The following MYH7B variants were observed in gnomAD, a reference collection of about 807,000 sequenced individuals.
The protein encoded by MYH7B is myosin heavy chain 7B.
In MYH7B, 205 loss-of-function variants were observed where a neutral mutation model predicts 234.5. The observed-to-expected ratio is 0.87, with a 90% CI of 0.78 to 0.98. MYH7B has a LOEUF of 0.98. Ranked by LOEUF, MYH7B falls within the 50% of genes least tolerant of loss-of-function variation. The probability of loss-of-function intolerance (pLI) is 0.00; values close to 1 mark genes in which losing one functional copy is unlikely to be tolerated. For missense variants in MYH7B, 2,652 were observed against 2,633.4 expected, an observed-to-expected ratio of 1.01 and a Z score of -0.15; for synonymous variants, 1,193 against 1,105.0, an observed-to-expected ratio of 1.08 and a Z score of -1.58.
At chr20:35,002,363 G>GAAAA (rs997452122) in exon 45 of MYH7B, 22 of 643,762 alleles carry the variant, frequency 3.4e-5, no homozygotes, top group Non-Finnish European at 5.1e-5. Flanking sequence ...GGTTCAGGAG[G>GAAAA]AAAAACACAG....
exon 11 of MYH7B, chr20:34,984,701 GCAA>G: frequency 6.2e-7 from 1 of 1,604,506 alleles, no homozygotes; most frequent in East Asian, 2.2e-5. Flanking sequence ...GCAATTTCTG[GCAA>G]CAAAGACGGG....
Position 34,997,356 on chromosome 20 carries a change from G to T in MYH7B, c.3463G>T (p.Glu1155Ter), listed in dbSNP as rs773666833. ...GGCGCGGGAGCTGGAGGAGCTGAGC[G>T]AGCGGCTGGAGGAGGCAGGCGGCGC... The change falls in exon 32 of 45, where the codon GAG (glutamate) becomes TAG (stop). Residue 1155 changes from glutamate (E) to a stop codon, truncating the protein, a stop_gained. Coordinates refer to ENST00000262873, the Ensembl canonical transcript of MYH7B. LOFTEE classifies it high-confidence loss of function. The T allele has an allele frequency of 6.5e-7, 1 of 1,535,368 alleles. No individual in the cohort carries two copies.
At chr20:34,976,335 C>T (rs182133963) in intron 3 of MYH7B, among the ~76,000 whole-genome samples, 3 of 152,302 alleles carry the variant, frequency 2.0e-5, no homozygotes, top group Non-Finnish European at 2.9e-5. Flanking sequence ...GCGCATCGGT[C>T]GGAGGACTTC....
At chr20:34,993,650 C>T (rs917013232) in intron 26 of MYH7B, among the ~76,000 whole-genome samples, 180 bp downstream of exon 26, 44 of 152,348 alleles carry the variant, frequency 2.9e-4, no homozygotes, top group Admixed American at 2.2e-3. Flanking sequence ...AAACGGGGTA[C>T]GGCACTTGCC....
intron 4 of MYH7B, 104 bp from the exon 5 acceptor site, chr20:34,977,830 C>A: frequency 6.5e-7 from 1 of 1,527,844 alleles, no homozygotes. Flanking sequence ...GGGCACTCAC[C>A]CAAGGAGGCT....
At chr20:34,977,118 C>T (rs2081867078) in intron 3 of MYH7B, among the ~76,000 whole-genome samples, 1 of 148,652 alleles carries the variant, frequency 6.7e-6, no homozygotes, top group Non-Finnish European at 1.5e-5. Context: ...CTTCTCTCTC[C>T]TTCTCTTTTT....
At chr20:34,999,659 G>C in exon 37 of MYH7B, 4 of 1,613,758 alleles carry the variant, frequency 2.5e-6, no homozygotes, top group Non-Finnish European at 3.4e-6. Context: ...TGGAAGGCGA[G>C]AAGAGTGAGA....
At chr20:34,970,957 C>T (rs905458701) in intron 2 of MYH7B, among the ~76,000 whole-genome samples, 7 of 152,104 alleles carry the variant, frequency 4.6e-5, no homozygotes, top group Non-Finnish European at 8.8e-5. Context: ...CTCAAGGATG[C>T]GGCATGTCAG....
exon 44 of MYH7B, chr20:35,002,076 G>C: frequency 6.2e-7 from 1 of 1,613,858 alleles, no homozygotes; most frequent in African/African-American, 1.3e-5. Flanking sequence ...GGGACGCCCT[G>C]GGCCCCAAGG....
At chr20:34,988,004 G>C in intron 18 of MYH7B, 88 bp from the exon 19 acceptor site, 1 of 1,564,076 alleles carries the variant, frequency 6.4e-7, no homozygotes, top group Non-Finnish European at 8.7e-7. Flanking sequence ...CTTCTGCCTG[G>C]AAGTTGGGGG....
intron 2 of MYH7B, among the ~76,000 whole-genome samples, chr20:34,960,540 A>C (rs1008107564): frequency 2.6e-5 from 4 of 152,240 alleles, no homozygotes; most frequent in African/African-American, 9.6e-5. Context: ...CAGCCACTGG[A>C]CTGTGCCTTT....
chr20:34,967,164 G>A (rs1183656147), intron 2 of MYH7B, among the ~76,000 whole-genome samples: 2 of 151,984 alleles, frequency 1.3e-5, no homozygotes, highest in African/African-American at 4.8e-5. Context: ...AGGAGGCGGA[G>A]GTTGTAGTGA....
chr20:35,001,686 C>G, intron 43 of MYH7B, 160 bp downstream of exon 43: 1 of 799,208 alleles, frequency 1.3e-6, no homozygotes, highest in African/African-American at 1.7e-5. Flanking sequence ...GACCTAGCTC[C>G]TTCTCATGGA....
At chr20:34,958,988 T>C (rs145479222) in intron 2 of MYH7B, among the ~76,000 whole-genome samples, 1 of 152,316 alleles carries the variant, frequency 6.6e-6, no homozygotes, top group African/African-American at 2.4e-5. Flanking sequence ...AAACCAACAT[T>C]TAATGAAAGC....
At chr20:34,990,402 C>T (rs539138461) in intron 22 of MYH7B, 92 bp downstream of exon 22, 57 of 1,400,116 alleles carry the variant, frequency 4.1e-5, no homozygotes, top group East Asian at 2.7e-4. Flanking sequence ...CTTGGGCGGG[C>T]GGCTGTTAAG....
At chr20:34,964,001 G>A (rs1322841174) in intron 2 of MYH7B, among the ~76,000 whole-genome samples, 2 of 152,138 alleles carry the variant, frequency 1.3e-5, no homozygotes, top group African/African-American at 4.8e-5. Flanking sequence ...AATTGTATGA[G>A]AGTTTTGTTT....
At chr20:34,981,572 C>T (rs746468534) in intron 9 of MYH7B, 2 of 154,458 alleles carry the variant, frequency 1.3e-5, no homozygotes, top group Non-Finnish European at 1.4e-5. Context: ...GTGCCTTGGC[C>T]GGGCACAGTG....
rs1052769582 is a variant in MYH7B, at chr20:34,991,232, G to A, written c.2183+111G>A. The A allele has an allele frequency of 6.7e-6, 5 of 750,866 alleles. No homozygotes were observed. The East Asian group carries it at 1.3e-4, about 20-fold the overall frequency. 46.5% of individuals were successfully genotyped at this position (750,866 alleles called of 1,614,324 possible). On this transcript the variant is annotated intron_variant, in intron 24 of 44. Transcript: ENST00000262873. ...GTCCCCTGTCTGGAGGGGGAAGCAG[G>A]GACTGTGAGGGGCCTGGCCAGGTAT...
intron 30 of MYH7B, 43 bp downstream of exon 30, chr20:34,996,801 ACCTGGC>A: frequency 5.0e-6 from 8 of 1,586,260 alleles, no homozygotes; most frequent in Non-Finnish European, 6.8e-6. Context: ...CTGAGCCTGC[ACCTGGC>A]CCTTGTTCCC....
Sources: gnomAD v4.1 joint callset for allele counts (sites outside exome capture counted in the v4.1 genomes callset) on GRCh38, gnomAD v4.1.1 for gene constraint, MANE v1.5 for transcripts, NCBI Gene and HGNC (gene_info 2026-07-23, HGNC 2026-07-21) for gene names.